The following SNRNP40 variants were observed in gnomAD, a reference collection of about 807,000 sequenced individuals.
SNRNP40 encodes small nuclear ribonucleoprotein U5 subunit 40, also known as U5 small nuclear ribonucleoprotein 40 kDa protein.
In SNRNP40, 21 loss-of-function variants were observed where a neutral mutation model predicts 45.8. The observed-to-expected ratio is 0.46, with a 90% CI of 0.32 to 0.66. SNRNP40 has a LOEUF of 0.66. SNRNP40 is among the 30% of genes least tolerant of loss of function. The pLI, the probability that SNRNP40 is intolerant of heterozygous loss-of-function variation, is 0.03. For missense variants in SNRNP40, 344 were observed against 439.1 expected (o/e 0.78, Z 1.94); for synonymous variants, 142 against 163.8 (o/e 0.87, Z 1.01).
chr1:31,295,738 T>TA (rs1646146005), intron 1 of SNRNP40, among the ~76,000 whole-genome samples: 1 of 152,246 alleles, frequency 6.6e-6, no homozygotes, highest in East Asian at 1.9e-4. Flanking sequence ...ATTGGCTTGG[T>TA]AACAGGTGCT....
chr1:31,288,872 C>T (rs1267222827), intron 4 of SNRNP40, among the ~76,000 whole-genome samples: 1 of 152,152 alleles, frequency 6.6e-6, no homozygotes, highest in Non-Finnish European at 1.5e-5. Flanking sequence ...ACTGGAACTA[C>T]AGGTGCCCGC....
At chr1:31,289,188 G>A in intron 4 of SNRNP40, 66 bp downstream of exon 4, 2 of 1,464,232 alleles carry the variant, frequency 1.4e-6, no homozygotes, top group Non-Finnish European at 1.9e-6. Flanking sequence ...GAGTACAAGT[G>A]GCAAGGCAAG....
At chr1:31,289,845 T>C (rs1646090192) in intron 3 of SNRNP40, among the ~76,000 whole-genome samples, 1 of 152,158 alleles carries the variant, frequency 6.6e-6, no homozygotes, top group Admixed American at 6.6e-5. Flanking sequence ...TTACCAAAGT[T>C]TTTCTTTTGT....
chr1:31,290,236 T>C (rs1646094119), intron 3 of SNRNP40, among the ~76,000 whole-genome samples: 1 of 152,166 alleles, frequency 6.6e-6, no homozygotes, highest in African/African-American at 2.4e-5. Flanking sequence ...AGTCTCACTG[T>C]GTTGCCCAGG....
chr1:31,289,170 G>A, intron 4 of SNRNP40, 84 bp downstream of exon 4: 1 of 1,286,064 alleles, frequency 7.8e-7, no homozygotes, highest in Non-Finnish European at 1.1e-6. Context: ...GTTTTGCACA[G>A]GAAGCTAGAG....
intron 4 of SNRNP40, chr1:31,282,306 C>T (rs1347864475): frequency 6.6e-6 from 1 of 152,120 alleles, no homozygotes; most frequent in Non-Finnish European, 1.5e-5. Context: ...TGGAACTTCC[C>T]TTGAAAACAT....
chr1:31,296,533 G>GT, intron 1 of SNRNP40, 78 bp downstream of exon 1: 4 of 1,505,518 alleles, frequency 2.7e-6, no homozygotes, highest in Non-Finnish European at 3.6e-6. Context: ...GCGGGAAAGG[G>GT]TCAGGGATCA....
At chr1:31,287,574 G>GT (rs1646068582) in intron 4 of SNRNP40, among the ~76,000 whole-genome samples, 1 of 152,176 alleles carries the variant, frequency 6.6e-6, no homozygotes, top group African/African-American at 2.4e-5. Flanking sequence ...ATCAGCTACT[G>GT]TTAAGACTCT....
At chr1:31,294,891 G>A (rs187780199) in intron 1 of SNRNP40, among the ~76,000 whole-genome samples, 133 of 149,542 alleles carry the variant, frequency 8.9e-4, no homozygotes, top group African/African-American at 2.6e-3. Flanking sequence ...GCGGTGCACC[G>A]AGATTGCGCC....
chr1:31,285,716 G>A (rs1355246641), intron 4 of SNRNP40, among the ~76,000 whole-genome samples: 4 of 152,144 alleles, frequency 2.6e-5, no homozygotes, highest in Admixed American at 1.3e-4. Flanking sequence ...GGAATCATAT[G>A]TTAAATTTAG....
At position 31,296,721 on chromosome 1, in the gene SNRNP40, C is replaced by G. The variant is rs772010333; in HGVS notation, c.31G>C (p.Glu11Gln). ...CGCTTGACTGGAACCAGCGGCAACTCTGGGCCCTTACGCTTCTGCTGTTCT... is the reference window on the plus strand; with the variant it reads ...CGCTTGACTGGAACCAGCGGCAACTGTGGGCCCTTACGCTTCTGCTGTTCT... MIEQQKRKGP[E>Q]LPLVPVKRQR... Residue 11 changes from glutamate (E) to glutamine (Q), a missense_variant, in exon 1 of 10, where the codon GAG (glutamate) becomes CAG (glutamine). By Grantham distance (29) the Glu-to-Gln change is conservative. Transcript: ENST00000263694. 10 of 1,613,050 alleles carry G rather than the reference C, an allele frequency of 6.2e-6. No individual in the cohort carries two copies. Among genetic ancestry groups the G allele is most frequent in the Non-Finnish European group, 8.5e-6 (10 of 1,179,586 alleles).
intron 5 of SNRNP40, among the ~76,000 whole-genome samples, chr1:31,280,139 T>A (rs1184805436): frequency 2.3e-5 from 3 of 132,878 alleles, no homozygotes; most frequent in African/African-American, 8.1e-5. Context: ...AAAAAAGGAC[T>A]ACCTTTAGAC....
At chr1:31,272,526 T>TA (rs768906699) in intron 5 of SNRNP40, among the ~76,000 whole-genome samples, 8 of 152,230 alleles carry the variant, frequency 5.3e-5, no homozygotes, top group African/African-American at 1.4e-4. Context: ...CCTTGCCACT[T>TA]AGAGTTATGT....
chr1:31,261,385 C>A (rs1645858060), intron 9 of SNRNP40, 144 bp downstream of exon 9: 1 of 623,758 alleles, frequency 1.6e-6, no homozygotes, highest in Admixed American at 3.0e-5. Flanking sequence ...AACAAAAAAA[C>A]CAACAACAAC....
chr1:31,282,667 T>G (rs1409920313), intron 4 of SNRNP40, among the ~76,000 whole-genome samples: 2 of 151,654 alleles, frequency 1.3e-5, no homozygotes, highest in Non-Finnish European at 2.9e-5. Context: ...TATCTATCTA[T>G]CTAATCTCTA....
chr1:31,281,188 A>G (rs1206309146), intron 5 of SNRNP40, among the ~76,000 whole-genome samples, 186 bp downstream of exon 5: 1 of 152,246 alleles, frequency 6.6e-6, no homozygotes, highest in African/African-American at 2.4e-5. Flanking sequence ...CATTTATAAG[A>G]TCTGCAATGC....
In SNRNP40 at chr1:31,261,513, G is replaced by C. The variant is rs370124004; in HGVS notation, c.1024+16C>G. On this transcript the variant is annotated intron_variant, in intron 9 of 9. Coordinates refer to ENST00000263694, the MANE Select transcript of SNRNP40 (RefSeq NM_004814.3). ...GATTTCCAGTTTCCCTTTCCCCCTC[G>C]TTGGGACAGACTTACTGATGGGCTC... The C allele has an allele frequency of 2.6e-6, 4 of 1,560,028 alleles. No homozygotes were observed. Among genetic ancestry groups the C allele is most frequent in the Non-Finnish European group, 2.7e-6 (3 of 1,131,200 alleles).
intron 8 of SNRNP40, among the ~76,000 whole-genome samples, chr1:31,263,913 T>TAA (rs11419603): frequency 0.011 from 1,188 of 106,730 alleles, 22 homozygotes; most frequent in African/African-American, 0.015. Context: ...ATGTACTGGC[T>TAA]AAAAAAAAAA....
chr1:31,270,988 A>G (rs1210046694), intron 6 of SNRNP40, among the ~76,000 whole-genome samples: 1 of 152,214 alleles, frequency 6.6e-6, no homozygotes, highest in African/African-American at 2.4e-5. Context: ...GACTGGCAGG[A>G]AAGAGCAGAA....
Sources: gnomAD v4.1 joint callset for allele counts (sites outside exome capture counted in the v4.1 genomes callset) on GRCh38, gnomAD v4.1.1 for gene constraint, MANE v1.5 for transcripts, NCBI Gene and HGNC (gene_info 2026-07-23, HGNC 2026-07-21) for gene names.